HSPA12A: variants seen among roughly 807,000 people sequenced by gnomAD.
The protein encoded by HSPA12A is heat shock 70 kDa protein 12A.
HSPA12A carries 28 observed loss-of-function variants against 69.2 expected under a neutral mutation model. That is an observed-to-expected ratio of 0.40 (90% CI 0.30 to 0.55). The LOEUF is 0.55. Ranked by LOEUF, HSPA12A falls within the 20% of genes least tolerant of loss-of-function variation. The pLI is 0.38. For synonymous variants in HSPA12A, 345 were observed against 370.5 expected, an observed-to-expected ratio of 0.93 and a Z score of 0.79; for missense variants, 686 against 900.7, an observed-to-expected ratio of 0.76 and a Z score of 3.05.
At chr10:116,730,620 C>A (rs1362643889) in intron 1 of HSPA12A, among the ~76,000 whole-genome samples, 1 of 152,238 alleles carries the variant, frequency 6.6e-6, no homozygotes, top group Non-Finnish European at 1.5e-5. Flanking sequence ...GGCCTGGGGT[C>A]CCTCATGCCC....
chr10:116,817,443 T>C (rs1001385474), intron 2 of HSPA12A, among the ~76,000 whole-genome samples: 2 of 148,326 alleles, frequency 1.3e-5, no homozygotes, highest in African/African-American at 5.0e-5. Context: ...CTACTCCTGA[T>C]GCCGTCAAGT....
At chr10:116,740,637 C>CGTGTGTGT in intron 1 of HSPA12A, among the ~76,000 whole-genome samples, 1 of 137,798 alleles carries the variant, frequency 7.3e-6, no homozygotes, top group African/African-American at 2.8e-5. Flanking sequence ...CTCCCAGCAC[C>CGTGTGTGT]GTGTGTGTGT....
At position 116,781,204 on chromosome 10, in the gene HSPA12A, C is replaced by T. The variant is rs1221101662; in HGVS notation, c.91+53731G>A. 2.0e-5 allele frequency among the ~76,000 whole-genome samples: 3 copies of T among 152,024 alleles called. No homozygotes were observed. In the East Asian group the frequency reaches 5.8e-4, roughly 29 times the overall value. ...AGTCCCAGCTACTTGGGAGGTTGAG[C>T]CAGGAAGATCTCTTGAGCCCAGGAG... On this transcript the variant is annotated intron_variant, in intron 2 of 12. Coordinates refer to the HSPA12A transcript ENST00000635765.
chr10:116,804,224 G>A (rs1365049030), intron 2 of HSPA12A, among the ~76,000 whole-genome samples: 1 of 152,132 alleles, frequency 6.6e-6, no homozygotes, highest in African/African-American at 2.4e-5. Flanking sequence ...GGACGAATCT[G>A]CTCGCTTGTG....
chr10:116,715,956 C>G (rs1251295477), intron 1 of HSPA12A, among the ~76,000 whole-genome samples: 2 of 152,160 alleles, frequency 1.3e-5, no homozygotes, highest in Admixed American at 6.5e-5. Flanking sequence ...ACCAAATAGC[C>G]CTTAGAGCAG....
chr10:116,780,302 A>C (rs782369257), intron 2 of HSPA12A, among the ~76,000 whole-genome samples: 1 of 152,070 alleles, frequency 6.6e-6, no homozygotes, highest in Non-Finnish European at 1.5e-5. Flanking sequence ...GAGGAAATCT[A>C]TAGAGCCCTC....
intron 2 of HSPA12A, among the ~76,000 whole-genome samples, chr10:116,828,029 CCT>C (rs879367632): frequency 3.3e-5 from 5 of 152,140 alleles, no homozygotes; most frequent in Non-Finnish European, 7.4e-5. Flanking sequence ...CAATTTTACC[CCT>C]GACTTTGCCT....
chr10:116,814,710 C>T (rs1845263754), intron 2 of HSPA12A, among the ~76,000 whole-genome samples: 1 of 152,174 alleles, frequency 6.6e-6, no homozygotes, highest in Non-Finnish European at 1.5e-5. Flanking sequence ...ATTTCTGGGA[C>T]CTGCTGAATC....
chr10:116,813,006 CTT>C (rs536300215), intron 2 of HSPA12A, among the ~76,000 whole-genome samples: 225 of 152,222 alleles, frequency 1.5e-3, no homozygotes, highest in African/African-American at 5.1e-3. Context: ...AAGCAGGAAA[CTT>C]TTGAAAAGCA....
At chr10:116,732,791 C>G (rs1404928283) in intron 1 of HSPA12A, among the ~76,000 whole-genome samples, 2 of 152,220 alleles carry the variant, frequency 1.3e-5, no homozygotes, top group Admixed American at 6.5e-5. Flanking sequence ...TGTGCCGTCT[C>G]TGAGTGACCG....
intron 2 of HSPA12A, among the ~76,000 whole-genome samples, chr10:116,751,732 G>T (rs771324359): frequency 6.6e-5 from 10 of 152,162 alleles, no homozygotes; most frequent in Non-Finnish European, 1.3e-4. Context: ...CAATGTTGGA[G>T]GTGGGACCTG....
In HSPA12A at chr10:116,707,189, ACAC is replaced by A. The variant is rs1850283074; in HGVS notation, c.126+8_126+10del. ...CACACACACACACACACACACACAC[ACAC>A]TTCTTACCACAATATGGGAGGGGGA... On this transcript the variant is annotated splice_region_variant and intron_variant, in intron 2 of 11. Transcript: ENST00000369209. 6.4e-7 allele frequency: 1 copy of A among 1,573,318 alleles called. No individual in the cohort carries two copies. Among genetic ancestry groups the A allele is most frequent in the Non-Finnish European group, 8.7e-7 (1 of 1,152,768 alleles).
chr10:116,792,259 C>CA (rs55642476), intron 2 of HSPA12A, among the ~76,000 whole-genome samples: 5,053 of 60,984 alleles, frequency 0.083, 267 homozygotes, highest in Non-Finnish European at 0.095. Context: ...AACTCGGTCT[C>CA]AAAAAAAAAA....
intron 1 of HSPA12A, chr10:116,708,249 G>A (rs1272521792): frequency 6.6e-6 from 1 of 152,078 alleles, no homozygotes; most frequent in Non-Finnish European, 1.5e-5. Flanking sequence ...GCCGGGCACT[G>A]GGCACGTGCA....
intron 1 of HSPA12A, among the ~76,000 whole-genome samples, chr10:116,715,161 A>G (rs1554883631): frequency 6.6e-6 from 1 of 152,214 alleles, no homozygotes; most frequent in Non-Finnish European, 1.5e-5. Flanking sequence ...GGCTTGTTAA[A>G]ACACAGATTA....
rs918575550 is a variant in HSPA12A at position 116,741,083 on chromosome 10, G to C, written c.40+1347C>G. ...GAGGAAGAGTACAGGCGGGGACTGG[G>C]TGTGTGTTTGGGGACGGCCTGGGCT... On this transcript the variant is annotated intron_variant, in intron 1 of 11. Transcript: ENST00000369209. Among the ~76,000 whole-genome samples the C allele has an allele frequency of 1.9e-4, 29 of 152,204 alleles. 1 individual carries two copies. Among genetic ancestry groups the C allele is most frequent in the African/African-American group, 6.7e-4 (28 of 41,540 alleles).
chr10:116,710,931 C>T lies in HSPA12A; in HGVS notation c.41-3646G>A, dbSNP rs1165685549. Among the ~76,000 whole-genome samples the T allele has an allele frequency of 6.6e-6, 1 of 152,118 alleles. No homozygotes were observed. Among genetic ancestry groups the T allele is most frequent in the Non-Finnish European group, 1.5e-5 (1 of 68,032 alleles). ...AAAAACGGAAAAGCCTATCTCACCC[C>T]CTGAGGAGAATGGGGAGTTTAATTC... On this transcript the variant is annotated intron_variant, in intron 1 of 11. Transcript: ENST00000369209. This position sits in a 1 kb window ranked among gnomAD's most constrained non-coding sequence, Gnocchi z 4.1.
chr10:116,819,836 G>T (rs1264087627), intron 2 of HSPA12A, among the ~76,000 whole-genome samples: 6 of 152,022 alleles, frequency 3.9e-5, no homozygotes, highest in Admixed American at 1.3e-4. Context: ...AGGATTTTTT[G>T]GTTTTTTGTT....
At chr10:116,787,313 A>AT (rs1844599656) in intron 2 of HSPA12A, among the ~76,000 whole-genome samples, 1 of 152,162 alleles carries the variant, frequency 6.6e-6, no homozygotes. Context: ...CAGCTCTTGC[A>AT]TTGGTGCTTA....
Sources: allele counts gnomAD v4.1 joint callset (sites outside exome capture counted in the v4.1 genomes callset), GRCh38; gene constraint gnomAD v4.1.1; non-coding constraint Gnocchi (gnomAD v3.1); transcripts MANE v1.5; gene names NCBI Gene and HGNC (gene_info 2026-07-23, HGNC 2026-07-21).